The following RIF1 variants were observed in gnomAD, a reference collection of about 807,000 sequenced individuals.
The protein encoded by RIF1 is replication timing regulatory factor 1.
RIF1 carries 45 observed loss-of-function variants against 247.1 expected under a neutral mutation model. The ratio of observed to expected loss-of-function variants is 0.18; its 90% CI spans 0.14 to 0.23. The LOEUF is 0.23. Among genes scored for constraint, RIF1 ranks in the 10% least tolerant of loss-of-function variants. The pLI is 1.00. For missense variants in RIF1, 2,967 were observed against 2,862.5 expected, an observed-to-expected ratio of 1.04 and a Z score of -0.83; for synonymous variants, 1,087 against 978.8, an observed-to-expected ratio of 1.11 and a Z score of -2.06.
intron 21 of RIF1, among the ~76,000 whole-genome samples, chr2:151,453,619 T>TA (rs1453895897): frequency 1.3e-5 from 2 of 151,524 alleles, no homozygotes; most frequent in South Asian, 4.2e-4. Context: ...TTTACTTTCT[T>TA]AGAGTCTCTC....
At chr2:151,423,301 C>T (rs1573901271) in intron 8 of RIF1, 5 of 357,664 alleles carry the variant, frequency 1.4e-5, no homozygotes, top group Admixed American at 1.1e-4. Context: ...AGCAAGGTTA[C>T]GCTCTGCCTT....
intron 28 of RIF1, 33 bp from the exon 29 acceptor site, chr2:151,462,379 T>C (rs1696321762): frequency 1.4e-6 from 2 of 1,461,532 alleles, no homozygotes; most frequent in East Asian, 4.9e-5. Flanking sequence ...CAAATAATTA[T>C]AAAAATAATA....
chr2:151,530,969 A>G, the RIF1 span: 1 of 1,492,108 alleles, frequency 6.7e-7, no homozygotes, highest in Non-Finnish European at 9.3e-7. Flanking sequence ...GATGAGAGGG[A>G]CTGCTAAACC....
rs1186699596 is a variant in RIF1, at chr2:151,481,559, C to T, written c.*6488C>T. The T allele has an allele frequency of 1.3e-5, 2 of 152,214 alleles. No individual in the cohort carries two copies. The highest frequency in any genetic ancestry group is 1.3e-4 in the Admixed American group (2 of 15,288). The allele number at this position is 152,214 out of a possible 1,614,324, so 9.4% of individuals were successfully genotyped here. A position where few individuals can be genotyped will look rare whatever the true frequency, so the allele number is the denominator to read the frequency against. ...AACCCTCTAATATTGTTGTCCCGAT[C>T]ATTTGGTAAACGCTAAGAGAGCTTA... On this transcript the variant is annotated 3_prime_UTR_variant, in exon 36 of 36. Transcript: ENST00000444746.
chr2:151,474,780 C>G (rs1275666926), intron 35 of RIF1, 77 bp from the exon 36 acceptor site: 1 of 830,220 alleles, frequency 1.2e-6, no homozygotes, highest in African/African-American at 1.7e-5. Flanking sequence ...GGCACTTGGA[C>G]TAACTTAAAA....
At chr2:151,499,818 T>TTAAG (rs1284083326) in intron 11 of RIF1, among the ~76,000 whole-genome samples, 1 of 152,200 alleles carries the variant, frequency 6.6e-6, no homozygotes, top group Non-Finnish European at 1.5e-5. Context: ...GTCCTTGTCA[T>TTAAG]TAAGTTCAAG....
chr2:151,415,378 C>A (rs552461024), intron 4 of RIF1, among the ~76,000 whole-genome samples: 1 of 150,538 alleles, frequency 6.6e-6, no homozygotes, highest in African/African-American at 2.4e-5. Flanking sequence ...ATTATCATTA[C>A]CTACACATAG....
intron 22 of RIF1, among the ~76,000 whole-genome samples, chr2:151,455,646 A>G (rs1369005023): frequency 7.4e-6 from 1 of 135,910 alleles, no homozygotes; most frequent in Non-Finnish European, 1.6e-5. Flanking sequence ...TAAGGAATCT[A>G]GAGATGATTT....
intron 9 of RIF1, chr2:151,490,006 C>T (rs1434539229): frequency 6.2e-7 from 1 of 1,612,260 alleles, no homozygotes; most frequent in Non-Finnish European, 8.5e-7. Flanking sequence ...ATGGAAGATA[C>T]CGTTGTCTGT....
chr2:151,449,934 C>T (rs139871370), intron 20 of RIF1, among the ~76,000 whole-genome samples: 4,496 of 151,708 alleles, frequency 0.03, 124 homozygotes, highest in East Asian at 0.14. Context: ...CCTCTGCCTC[C>T]GGGTTCAAGT....
intron 9 of RIF1, among the ~76,000 whole-genome samples, chr2:151,429,388 C>T (rs979194234): frequency 6.6e-6 from 1 of 152,174 alleles, no homozygotes; most frequent in African/African-American, 2.4e-5. Flanking sequence ...ACTATGTTGG[C>T]CAGGCTGGTC....
chr2:151,501,640 T>G (rs2153077981), intron 11 of RIF1, among the ~76,000 whole-genome samples: 1 of 152,306 alleles, frequency 6.6e-6, no homozygotes, highest in Non-Finnish European at 1.5e-5. Context: ...TAGATCCCCT[T>G]TGGACATTTA....
chr2:151,492,391 G>C, intron 9 of RIF1: 1 of 1,602,298 alleles, frequency 6.2e-7, no homozygotes, highest in South Asian at 1.1e-5. Flanking sequence ...ACTCACCGTT[G>C]AGATGTGCCG....
intron 23 of RIF1, 109 bp from the exon 24 acceptor site, chr2:151,457,652 G>T: frequency 1.4e-6 from 1 of 725,776 alleles, no homozygotes; most frequent in Non-Finnish European, 2.3e-6. Flanking sequence ...TAAGGCAACA[G>T]TGGGGGTTAG....
At chr2:151,523,576 T>C in the RIF1 span, among the ~76,000 whole-genome samples, 1 of 152,372 alleles carries the variant, frequency 6.6e-6, no homozygotes, top group East Asian at 1.9e-4. Context: ...CTGATAGGTC[T>C]GGTGGTAGAT....
chr2:151,512,599 C>CCA, downstream of RIF1: 1 of 726,324 alleles, frequency 1.4e-6, no homozygotes, highest in Admixed American at 2.5e-5. Flanking sequence ...CAGACGTGAG[C>CCA]CACTGCACCT....
At chr2:151,438,491 T>C (rs1378182718) in intron 13 of RIF1, among the ~76,000 whole-genome samples, 193 bp from the exon 14 acceptor site, 1 of 152,100 alleles carries the variant, frequency 6.6e-6, no homozygotes, top group Non-Finnish European at 1.5e-5. Flanking sequence ...ATAAACCATA[T>C]TTAGTTTCTA....
the RIF1 span, chr2:151,516,389 T>C: frequency 6.7e-6 from 7 of 1,050,308 alleles, no homozygotes; most frequent in South Asian, 7.6e-5. Flanking sequence ...AAACTGGCCA[T>C]GTCATGGGCA....
chr2:151,496,242 CAGTA>C (rs745359696), intron 10 of RIF1: 1 of 1,515,008 alleles, frequency 6.6e-7, no homozygotes, highest in Non-Finnish European at 9.0e-7. Flanking sequence ...TTTTTAAAAT[CAGTA>C]AGTAGTTTTT....
Sources: allele counts gnomAD v4.1 joint callset (sites outside exome capture counted in the v4.1 genomes callset), GRCh38; gene constraint gnomAD v4.1.1; transcripts MANE v1.5; gene names NCBI Gene and HGNC (gene_info 2026-07-23, HGNC 2026-07-21).